KL: variants seen among roughly 807,000 people sequenced by gnomAD.
KL encodes the protein alpha-klotho.
A neutral mutation model predicts 84.2 loss-of-function variants in KL; 62 were observed. The ratio of observed to expected loss-of-function variants is 0.74; its 90% CI spans 0.60 to 0.91. The LOEUF (loss-of-function observed/expected upper bound fraction) is 0.91, where lower values mean the gene tolerates loss of function less well. KL is among the 40% of genes least tolerant of loss of function. The probability of loss-of-function intolerance (pLI) is 0.00; values close to 1 mark genes in which losing one functional copy is unlikely to be tolerated. For synonymous variants in KL, 528 were observed against 528.0 expected (o/e 1.00, Z 0.00); for missense variants, 1,261 against 1,305.7 (o/e 0.97, Z 0.53).
At chr13:33,025,999 C>G (rs1490740251) in intron 1 of KL, among the ~76,000 whole-genome samples, 1 of 152,070 alleles carries the variant, frequency 6.6e-6, no homozygotes, top group South Asian at 2.1e-4. Flanking sequence ...TAAGGTAATC[C>G]GTTAGAGGAA....
intron 1 of KL, among the ~76,000 whole-genome samples, chr13:33,026,032 A>C (rs1870763113): frequency 6.6e-6 from 1 of 152,220 alleles, no homozygotes; most frequent in Non-Finnish European, 1.5e-5. Context: ...TATACAGTGG[A>C]ATACTAATTG....
chr13:33,053,833 A>G lies in KL; in HGVS notation c.886A>G (p.Ile296Val), dbSNP rs1871842998. Residue 296 changes from isoleucine to valine, a missense_variant, in exon 2 of 5, where the codon ATT (isoleucine) becomes GTT (valine). Physicochemically the swap from Ile to Val is conservative, Grantham distance 29. Coordinates refer to ENST00000380099, the MANE Select transcript of KL (RefSeq NM_004795.4). ...FRPTQGGQVSIALSSHWINPR... is the reference protein window; with the variant it reads ...FRPTQGGQVSVALSSHWINPR... ...TCCCACTCAGGGAGGTCAGGTGTCC[A>G]TTGCCCTAAGCTCTCACTGGATCAA... is the stretch of plus-strand genomic sequence containing the variant. 6.2e-7 allele frequency: 1 copy of G among 1,614,126 alleles called. No individual in the cohort carries two copies.
At chr13:33,057,957 C>T (rs1041257851) in intron 3 of KL, among the ~76,000 whole-genome samples, 4 of 152,166 alleles carry the variant, frequency 2.6e-5, no homozygotes, top group African/African-American at 9.7e-5. Flanking sequence ...GTATTTCAGA[C>T]TTTCAGTGTT....
chr13:33,062,830 G>T (rs753089327), intron 4 of KL, among the ~76,000 whole-genome samples: 2 of 152,040 alleles, frequency 1.3e-5, no homozygotes, highest in Non-Finnish European at 2.9e-5. Flanking sequence ...AGATTTATTT[G>T]TAAGGGGACC....
chr13:33,034,621 T>A (rs1871092966), intron 1 of KL, among the ~76,000 whole-genome samples: 1 of 152,208 alleles, frequency 6.6e-6, no homozygotes, highest in Admixed American at 6.5e-5. Flanking sequence ...TTCATAGCAC[T>A]TATTGCCTTA....
chr13:33,039,021 A>G (rs1871243115), intron 1 of KL, among the ~76,000 whole-genome samples: 1 of 152,216 alleles, frequency 6.6e-6, no homozygotes, highest in Non-Finnish European at 1.5e-5. Flanking sequence ...AATAGAGACT[A>G]TAACTGCTAT....
At chr13:33,022,874 T>C (rs1870625434) in intron 1 of KL, among the ~76,000 whole-genome samples, 1 of 152,250 alleles carries the variant, frequency 6.6e-6, no homozygotes, top group Non-Finnish European at 1.5e-5. Context: ...AACGTGTCCA[T>C]ATTCTTTCTT....
intron 1 of KL, among the ~76,000 whole-genome samples, chr13:33,026,015 G>A (rs75882675): frequency 0.064 from 9,820 of 152,258 alleles, 371 homozygotes; most frequent in South Asian, 0.11. Context: ...AGGAATGTTG[G>A]TACGCTTATA....
chr13:33,054,099 G>A lies in KL; in HGVS notation c.1152G>A (p.Met384Ile), dbSNP rs2138232653. 6.2e-7 allele frequency: 1 copy of A among 1,613,978 alleles called. No homozygotes were observed. The highest frequency in any genetic ancestry group is 1.7e-5 in the Admixed American group (1 of 60,008). Reference protein sequence around the residue: ...TLSFQLLDPHMKFRQLESPNL... With the variant: ...TLSFQLLDPHIKFRQLESPNL... ...GTTTTCAACTTTTGGACCCTCACAT[G>A]AAGTTCCGCCAATTGGAATCTCCCA... Residue 384 changes from methionine to isoleucine, a missense_variant, in exon 2 of 5, where the codon ATG becomes ATA. By Grantham distance (10) the Met-to-Ile change is conservative (BLOSUM62 1). Transcript: ENST00000380099.
intron 1 of KL, among the ~76,000 whole-genome samples, chr13:33,032,539 G>A (rs1223284436): frequency 6.6e-6 from 1 of 152,072 alleles, no homozygotes; most frequent in African/African-American, 2.4e-5. Context: ...CTTCCCTCCC[G>A]GCAAGCATCC....
rs1454750918 is a variant in KL at position 33,028,964 on chromosome 13, G to T, written c.819+11705G>T. Among the ~76,000 whole-genome samples, 5 of 148,864 alleles carry T rather than the reference G, an allele frequency of 3.4e-5. No homozygotes were observed. The South Asian group carries it at 8.8e-4, about 26-fold the overall frequency. The stretch of plus-strand genomic sequence containing the variant: ...ATGTGTGGAGATGTAAATTCCAAAA[G>T]AAAACGTCTTAAGAGTCAAAAGTGG... On this transcript the variant is annotated intron_variant, in intron 1 of 4. Coordinates refer to ENST00000380099, the MANE Select transcript of KL (RefSeq NM_004795.4).
chr13:33,021,609 G>A (rs1372017994), intron 1 of KL, among the ~76,000 whole-genome samples: 1 of 152,128 alleles, frequency 6.6e-6, no homozygotes, highest in East Asian at 1.9e-4. Context: ...GGGGCCGGGC[G>A]CAGTGGCTCA....
chr13:33,031,395 G>C (rs964185913), intron 1 of KL, among the ~76,000 whole-genome samples: 2 of 152,064 alleles, frequency 1.3e-5, no homozygotes, highest in African/African-American at 4.8e-5. Flanking sequence ...CAACAGAATA[G>C]ATACGATCAT....
intron 2 of KL, among the ~76,000 whole-genome samples, 184 bp from the exon 3 acceptor site, chr13:33,054,863 C>G (rs952601227): frequency 6.6e-6 from 1 of 152,094 alleles, no homozygotes; most frequent in African/African-American, 2.4e-5. Flanking sequence ...ATTTTGAGGG[C>G]ATTTATTTGT....
chr13:33,016,682 A>G lies in KL; in HGVS notation c.242A>G (p.Gln81Arg). 6.2e-7 allele frequency: 1 copy of G among 1,601,462 alleles called. No individual in the cohort carries two copies. The highest frequency in any genetic ancestry group is 1.1e-5 in the South Asian group (1 of 89,174). ...GCCTACCAGACCGAGGGCGGCTGGC[A>G]GCAGCACGGCAAGGGTGCGTCCATC... ...SAAYQTEGGW[Q>R]QHGKGASIWD... The change falls in exon 1 of 5, where the codon CAG becomes CGG. Residue 81 changes from glutamine (Q) to arginine (R), a missense_variant. Physicochemically the swap from Gln to Arg is conservative, Grantham distance 43. Transcript: ENST00000380099.
At position 33,064,977 on chromosome 13, in the gene KL, T is replaced by G. The variant is rs2138249084; in HGVS notation, c.*791T>G. ...GGGCTCTTCAGGAAGCATAAAGCAA[T>G]TGTGAAATACAGTATACCGCAGTGG... On this transcript the variant is annotated 3_prime_UTR_variant, in exon 5 of 5. Coordinates refer to ENST00000380099, the MANE Select transcript of KL (RefSeq NM_004795.4). 4.4e-6 allele frequency: 1 copy of G among 227,862 alleles called. No individual in the cohort carries two copies. Among genetic ancestry groups the G allele is most frequent in the East Asian group, 6.3e-5 (1 of 15,894 alleles). 14.1% of individuals were successfully genotyped at this position (227,862 alleles called of 1,614,324 possible).
At chr13:33,031,968 A>G (rs908422606) in intron 1 of KL, among the ~76,000 whole-genome samples, 2 of 151,920 alleles carry the variant, frequency 1.3e-5, no homozygotes, top group African/African-American at 2.4e-5. Flanking sequence ...AGACCCAGAG[A>G]GTTTAGCTGA....
At chr13:33,044,950 A>G (rs1355593532) in intron 1 of KL, among the ~76,000 whole-genome samples, 1 of 152,150 alleles carries the variant, frequency 6.6e-6, no homozygotes, top group African/African-American at 2.4e-5. Context: ...ATGAACAACA[A>G]AGTTTGTTTT....
In KL at chr13:33,030,778, A is replaced by G. The variant is rs1870944703; in HGVS notation, c.819+13519A>G. Reference sequence around the variant, plus strand: ...GAAAATAAATTATGCAGGAAATTAAACACATACACAAACTGAAACAGGAAC... The same window carrying G: ...GAAAATAAATTATGCAGGAAATTAAGCACATACACAAACTGAAACAGGAAC... On this transcript the variant is annotated intron_variant, in intron 1 of 4. Transcript: ENST00000380099. Among the ~76,000 whole-genome samples, 6 of 152,254 alleles carry G rather than the reference A, an allele frequency of 3.9e-5. No homozygotes were observed. In the South Asian group the frequency reaches 1.0e-3, roughly 26 times the overall value.
Sources: allele counts gnomAD v4.1 joint callset (sites outside exome capture counted in the v4.1 genomes callset), GRCh38; gene constraint gnomAD v4.1.1; transcripts MANE v1.5; gene names NCBI Gene and HGNC (gene_info 2026-07-23, HGNC 2026-07-21).